Variants in TBC1D19 observed in about 807,000 individuals in gnomAD.
The protein encoded by TBC1D19 is TBC1 domain family member 19, also known as TBC1 domain family, member 19.
A neutral mutation model predicts 89.0 loss-of-function variants in TBC1D19; 60 were observed. The observed-to-expected ratio is 0.67, with a 90% confidence interval of 0.55 to 0.84. The LOEUF is 0.84. Among genes scored for constraint, TBC1D19 ranks in the 40% least tolerant of loss-of-function variants. The pLI is 0.00. For missense variants in TBC1D19, 500 were observed against 610.8 expected (o/e 0.82, Z 1.91); for synonymous variants, 189 against 199.7 (o/e 0.95, Z 0.45).
chr4:26,718,053 T>C (rs1349225601), intron 14 of TBC1D19, 36 bp downstream of exon 14: 1 of 1,471,946 alleles, frequency 6.8e-7, no homozygotes, highest in Non-Finnish European at 9.4e-7. Flanking sequence ...GTATTAAGAC[T>C]TACATAATCA....
chr4:26,790,544 TG>T, the TBC1D19 span, among the ~76,000 whole-genome samples: 1 of 149,782 alleles, frequency 6.7e-6, no homozygotes, highest in Non-Finnish European at 1.5e-5. Context: ...GATGGATGGA[TG>T]GATGCATAAA....
intron 7 of TBC1D19, among the ~76,000 whole-genome samples, chr4:26,658,842 G>A (rs115329691): frequency 0.012 from 1,841 of 152,160 alleles, 23 homozygotes; most frequent in African/African-American, 0.04. Flanking sequence ...ATTCCTTCGT[G>A]GCAATTGTGA....
intron 13 of TBC1D19, among the ~76,000 whole-genome samples, chr4:26,717,304 G>A (rs1168962117): frequency 6.6e-6 from 1 of 151,944 alleles, no homozygotes; most frequent in Non-Finnish European, 1.5e-5. Context: ...TTGGACTGCT[G>A]CTCCCAAATT....
chr4:26,617,772 CCTATT>C (rs752440207), intron 3 of TBC1D19, among the ~76,000 whole-genome samples: 3 of 152,166 alleles, frequency 2.0e-5, no homozygotes, highest in Non-Finnish European at 4.4e-5. Context: ...AATTAGATGA[CCTATT>C]CTTTTTCCCT....
At chr4:26,675,075 T>C (rs1446296482) in intron 11 of TBC1D19, among the ~76,000 whole-genome samples, 3 of 152,064 alleles carry the variant, frequency 2.0e-5, no homozygotes, top group Non-Finnish European at 1.5e-5. Flanking sequence ...TGTGACACTT[T>C]AGAGAAAATA....
At chr4:26,817,968 T>A in the TBC1D19 span, among the ~76,000 whole-genome samples, 12 of 119,182 alleles carry the variant, frequency 1.0e-4, no homozygotes, top group East Asian at 1.1e-3. Context: ...AAACTCCATT[T>A]AAAAAAAAAA....
intron 13 of TBC1D19, among the ~76,000 whole-genome samples, chr4:26,716,586 G>A (rs1280681566): frequency 6.6e-6 from 1 of 152,028 alleles, no homozygotes; most frequent in Non-Finnish European, 1.5e-5. Flanking sequence ...ATAAATTATT[G>A]TTCTTTCATA....
chr4:26,792,004 C>T, the TBC1D19 span, among the ~76,000 whole-genome samples: 1 of 152,088 alleles, frequency 6.6e-6, no homozygotes, highest in Non-Finnish European at 1.5e-5. Context: ...TCAGAGGGGA[C>T]CCTCATACTA....
At chr4:26,625,514 T>C (rs1742334161) in intron 4 of TBC1D19, among the ~76,000 whole-genome samples, 2 of 152,194 alleles carry the variant, frequency 1.3e-5, no homozygotes, top group Non-Finnish European at 1.5e-5. Context: ...TACATTATTA[T>C]GAACTTAAGT....
the TBC1D19 span, among the ~76,000 whole-genome samples, chr4:26,842,583 CCTTTCTTTCTTT>C: frequency 0.014 from 953 of 70,578 alleles, 9 homozygotes; most frequent in African/African-American, 0.029. Flanking sequence ...TTCCTCCCTC[CCTTTCTTTCTTT>C]CTTTCTTTCT....
rs901724899 is a variant in TBC1D19, at chr4:26,718,095, A to G, written c.1039+78A>G. The stretch of plus-strand genomic sequence containing the variant: ...GAATATTTGTTTTATTTTTGGAGAT[A>G]GTGGTGTTGCCAAATTATTATAAAT... On this transcript the variant is annotated intron_variant, in intron 14 of 20. Transcript: ENST00000264866. 3.6e-6 allele frequency: 4 copies of G among 1,115,850 alleles called. No individual in the cohort carries two copies. In the African/African-American group the frequency reaches 6.3e-5, roughly 18 times the overall value. The allele number at this position is 1,115,850 out of a possible 1,614,324, so 69.1% of individuals were successfully genotyped here. A position where few individuals can be genotyped will look rare whatever the true frequency, so the allele number is the denominator to read the frequency against.
At chr4:26,740,978 T>C (rs1718333965) in intron 17 of TBC1D19, 4 of 980,046 alleles carry the variant, frequency 4.1e-6, no homozygotes, top group African/African-American at 1.8e-5. Flanking sequence ...GGGTTTCTTA[T>C]CTCTAAGAGA....
chr4:26,719,879 C>T (rs1577981974), intron 14 of TBC1D19, among the ~76,000 whole-genome samples: 3 of 152,058 alleles, frequency 2.0e-5, no homozygotes, highest in Middle Eastern at 6.8e-3. Flanking sequence ...TACTTATGTT[C>T]GTGTTACTTT....
the TBC1D19 span, among the ~76,000 whole-genome samples, chr4:26,773,989 AG>A: frequency 6.6e-6 from 1 of 152,172 alleles, no homozygotes; most frequent in Non-Finnish European, 1.5e-5. Context: ...CTCCTTATCT[AG>A]GTAGAAATAG....
At chr4:26,615,314 T>C (rs1374745207) in intron 3 of TBC1D19, among the ~76,000 whole-genome samples, 1 of 152,182 alleles carries the variant, frequency 6.6e-6, no homozygotes, top group South Asian at 2.1e-4. Context: ...CAACATTCTG[T>C]TACTTGTCAA....
chr4:26,590,626 A>T (rs1240037065), intron 1 of TBC1D19, among the ~76,000 whole-genome samples: 1 of 152,060 alleles, frequency 6.6e-6, no homozygotes, highest in Non-Finnish European at 1.5e-5. Context: ...TTACAGAAAA[A>T]TTGATCAGAA....
the TBC1D19 span, among the ~76,000 whole-genome samples, chr4:26,815,255 C>T: frequency 6.6e-6 from 1 of 152,188 alleles, no homozygotes; most frequent in East Asian, 1.9e-4. Context: ...ATATTTAACT[C>T]TCTCCTTTCC....
chr4:26,668,571 G>A (rs1263709209), intron 9 of TBC1D19, among the ~76,000 whole-genome samples: 1 of 151,832 alleles, frequency 6.6e-6, no homozygotes, highest in Non-Finnish European at 1.5e-5. Flanking sequence ...AAGGGCAGTT[G>A]GAGCATAGAA....
At chr4:26,602,934 A>G (rs1161489544) in intron 1 of TBC1D19, among the ~76,000 whole-genome samples, 1 of 152,230 alleles carries the variant, frequency 6.6e-6, no homozygotes, top group Admixed American at 6.5e-5. Flanking sequence ...CAGAAATAAG[A>G]TGGTTATCTA....
Sources: gnomAD v4.1 joint callset for allele counts (sites outside exome capture counted in the v4.1 genomes callset) on GRCh38, gnomAD v4.1.1 for gene constraint, MANE v1.5 for transcripts, NCBI Gene and HGNC (gene_info 2026-07-23, HGNC 2026-07-21) for gene names.